The following ECPAS variants were observed in gnomAD, a reference collection of about 807,000 sequenced individuals.
The protein encoded by ECPAS is Ecm29 proteasome adaptor and scaffold, also known as proteasome adapter and scaffold protein ECM29.
In ECPAS, 70 loss-of-function variants were observed where a neutral mutation model predicts 255.1. That is an observed-to-expected ratio of 0.27 (90% CI 0.23 to 0.33). The LOEUF (loss-of-function observed/expected upper bound fraction) is 0.33, where lower values mean the gene tolerates loss of function less well. ECPAS is among the 10% of genes least tolerant of loss of function. The probability of loss-of-function intolerance (pLI) is 1.00; values close to 1 mark genes in which losing one functional copy is unlikely to be tolerated. For synonymous variants in ECPAS, 784 were observed against 775.0 expected, an observed-to-expected ratio of 1.01 and a Z score of -0.19; for missense variants, 1,817 against 2,206.4, an observed-to-expected ratio of 0.82 and a Z score of 3.54.
chr9:111,411,826 C>A, intron 21 of ECPAS, 188 bp downstream of exon 21: 2 of 502,576 alleles, frequency 4.0e-6, no homozygotes, highest in Non-Finnish European at 6.8e-6. Flanking sequence ...TTATCAGACA[C>A]AGCACCCGTA....
chr9:111,376,371 C>A, intron 37 of ECPAS, 105 bp downstream of exon 37: 1 of 871,370 alleles, frequency 1.1e-6, no homozygotes, highest in South Asian at 1.5e-5. Context: ...AGCTGCTTGA[C>A]TCATCCCATA....
At chr9:111,472,299 C>T (rs762867788) in intron 2 of ECPAS, among the ~76,000 whole-genome samples, 4 of 152,050 alleles carry the variant, frequency 2.6e-5, no homozygotes, top group East Asian at 1.9e-4. Context: ...TGGCATTCCT[C>T]GAGCATGTAA....
At chr9:111,449,842 G>T (rs1003032553) in intron 3 of ECPAS, among the ~76,000 whole-genome samples, 6 of 151,946 alleles carry the variant, frequency 3.9e-5, no homozygotes, top group African/African-American at 1.5e-4. Flanking sequence ...CATGCACTGG[G>T]GACATCACTG....
chr9:111,414,906 G>T (rs1417071586), intron 18 of ECPAS, among the ~76,000 whole-genome samples: 1 of 152,196 alleles, frequency 6.6e-6, no homozygotes, highest in Non-Finnish European at 1.5e-5. Context: ...GCTGGAGGCT[G>T]TTATCCTTAG....
At chr9:111,376,601 A>G (rs1280353807) in intron 36 of ECPAS, 60 bp from the exon 37 acceptor site, 92 of 1,263,278 alleles carry the variant, frequency 7.3e-5, no homozygotes, top group Non-Finnish European at 9.3e-5. Flanking sequence ...AATCCGCACA[A>G]ACACCCATAA....
chr9:111,385,295 T>A, intron 33 of ECPAS, 42 bp downstream of exon 33: 1 of 952,588 alleles, frequency 1.0e-6, no homozygotes, highest in South Asian at 1.6e-5. Flanking sequence ...AATTCCAATT[T>A]AACTTTTTGT....
intron 35 of ECPAS, among the ~76,000 whole-genome samples, chr9:111,380,780 G>A (rs140660039): frequency 5.3e-5 from 8 of 152,302 alleles, no homozygotes; most frequent in African/African-American, 1.7e-4. Flanking sequence ...GCTTCACCTT[G>A]CATCTTTATG....
chr9:111,414,369 T>C, intron 19 of ECPAS, 60 bp downstream of exon 19: 2 of 1,436,918 alleles, frequency 1.4e-6, no homozygotes, highest in South Asian at 2.4e-5. Flanking sequence ...TTAGCAAAGT[T>C]TAAAATTAGA....
At chr9:111,387,412 G>A (rs2098151111) in intron 31 of ECPAS, among the ~76,000 whole-genome samples, 2 of 152,040 alleles carry the variant, frequency 1.3e-5, no homozygotes, top group Admixed American at 1.3e-4. Context: ...GTTACTGAGA[G>A]ACAGTGTCTC....
chr9:111,414,578 A>C lies in ECPAS; in HGVS notation c.1838T>G (p.Met613Arg). Residue 613 changes from methionine to arginine, a missense_variant, in exon 19 of 50, where the codon ATG (methionine) becomes AGG (arginine). Met to Arg is a moderately conservative substitution (Grantham distance 91). Transcript: ENST00000684092. Reference protein sequence around the residue: ...VVPTSQSLADMQDHAPAIGRY... With the variant: ...VVPTSQSLADRQDHAPAIGRY... ...CCCAATGGCTGGGGCATGATCCTGC[A>C]TATCAGCCAAACTCTGAGAGGTGGG... The C allele has an allele frequency of 1.2e-6, 2 of 1,614,032 alleles. No individual in the cohort carries two copies. The highest frequency in any genetic ancestry group is 1.7e-6 in the Non-Finnish European group (2 of 1,179,886).
chr9:111,457,538 A>T (rs140580446), intron 2 of ECPAS, among the ~76,000 whole-genome samples: 303 of 152,304 alleles, frequency 2.0e-3, no homozygotes, highest in African/African-American at 7.0e-3. Flanking sequence ...AATCAATCTT[A>T]TAAATTTTAT....
At position 111,415,252 on chromosome 9, in the gene ECPAS, T is replaced by TGTGTGTGA. The variant is rs1554788885; in HGVS notation, c.1765-602_1765-601insTCACACAC. Among the ~76,000 whole-genome samples, 168 of 150,220 alleles carry TGTGTGTGA rather than the reference T, an allele frequency of 1.1e-3. 1 individual carries two copies. The East Asian group carries it at 0.021, about 19-fold the overall frequency. ...CCGTGTGTGTGTGTGTGTGTGTGTG[T>TGTGTGTGA]GAGAGAGAGAGAAAGACAGAGAGAG... On this transcript the variant is annotated intron_variant, in intron 18 of 49. Transcript: ENST00000684092.
intron 7 of ECPAS, among the ~76,000 whole-genome samples, chr9:111,434,864 C>G (rs530653504): frequency 7.0e-6 from 1 of 141,894 alleles, no homozygotes; most frequent in South Asian, 2.3e-4. Context: ...TCCCAAAGTG[C>G]TGGGATTACA....
rs2098168596 is a variant in ECPAS at position 111,397,033 on chromosome 9, C to G, written c.2773G>C (p.Ala925Pro). 6.2e-7 allele frequency: 1 copy of G among 1,613,752 alleles called. No individual in the cohort carries two copies. Among genetic ancestry groups the G allele is most frequent in the African/African-American group, 1.3e-5 (1 of 74,924 alleles). The change falls in exon 25 of 50, where the codon GCT becomes CCT. Residue 925 changes from alanine to proline, a missense_variant. By Grantham distance (27) the Ala-to-Pro change is conservative. This residue lies in a region of ECPAS where 960 missense variants were observed against 1,179.0 expected (regional missense o/e 0.81). Coordinates refer to ENST00000684092, the MANE Select transcript of ECPAS (RefSeq NM_001364929.1). ...CGATTAGCTGAATATTTGGTACCAGCAGGTGGAGTATATTCCTCTTCAGTC... is the reference window on the plus strand; with the variant it reads ...CGATTAGCTGAATATTTGGTACCAGGAGGTGGAGTATATTCCTCTTCAGTC... Reference protein sequence around the residue: ...QMTEEEYTPPAGAKVNDVVPW... With the variant: ...QMTEEEYTPPPGAKVNDVVPW...
intron 1 of ECPAS, among the ~76,000 whole-genome samples, chr9:111,481,237 C>T (rs1028123730): frequency 4.6e-5 from 7 of 152,202 alleles, no homozygotes; most frequent in African/African-American, 1.7e-4. Context: ...TGGCTCACGC[C>T]TGTAATCCCA....
At chr9:111,387,939 C>T (rs992994295) in intron 31 of ECPAS, among the ~76,000 whole-genome samples, 7 of 152,246 alleles carry the variant, frequency 4.6e-5, no homozygotes, top group African/African-American at 1.4e-4. Context: ...CAGAGTCTCA[C>T]TCATCTTTTT....
At chr9:111,407,403 G>GAAAAAAAAAAAAAAAAAAAAAAAA (rs1161790026) in intron 24 of ECPAS, among the ~76,000 whole-genome samples, 4 of 12,072 alleles carry the variant, frequency 3.3e-4, no homozygotes, top group Non-Finnish European at 4.9e-4. Context: ...CTCCATCTCA[G>GAAAAAAAAAAAAAAAAAAAAAAAA]AAAAAAAAAA....
intron 12 of ECPAS, among the ~76,000 whole-genome samples, chr9:111,423,904 AG>A (rs545098845): frequency 6.9e-4 from 105 of 152,226 alleles, no homozygotes; most frequent in Non-Finnish European, 1.3e-3. Context: ...TGTTTATCCT[AG>A]GATTTGCCCT....
chr9:111,428,260 G>A (rs1042197338), intron 9 of ECPAS, 99 bp from the exon 10 acceptor site: 1 of 1,177,714 alleles, frequency 8.5e-7, no homozygotes, highest in Non-Finnish European at 1.2e-6. Context: ...CTCAAACTTT[G>A]TTTCAAGATC....
Sources: allele counts gnomAD v4.1 joint callset (sites outside exome capture counted in the v4.1 genomes callset), GRCh38; gene constraint gnomAD v4.1.1; regional missense constraint gnomAD v4.1.1; transcripts MANE v1.5; gene names NCBI Gene and HGNC (gene_info 2026-07-23, HGNC 2026-07-21).